The following IFT43 variants were observed in gnomAD, a reference collection of about 807,000 sequenced individuals.
IFT43 encodes intraflagellar transport 43.
A neutral mutation model predicts 32.3 loss-of-function variants in IFT43; 33 were observed. That is an observed-to-expected ratio of 1.02 (90% confidence interval 0.77 to 1.37). The LOEUF (loss-of-function observed/expected upper bound fraction) is 1.37. Ranked by LOEUF, IFT43 falls within the 40% of genes most tolerant of loss-of-function variation. IFT43 has a pLI of 0.00. For missense variants in IFT43, 274 were observed against 265.9 expected, an observed-to-expected ratio of 1.03 and a Z score of -0.21; for synonymous variants, 93 against 98.2, an observed-to-expected ratio of 0.95 and a Z score of 0.31.
intron 3 of IFT43, among the ~76,000 whole-genome samples, chr14:76,032,461 A>G (rs2036525617): frequency 6.6e-6 from 1 of 152,230 alleles, no homozygotes; most frequent in Non-Finnish European, 1.5e-5. Flanking sequence ...GTCCTACCTT[A>G]CCTCACTTTA....
chr14:76,001,780 A>G (rs79261129), intron 2 of IFT43, among the ~76,000 whole-genome samples: 271 of 152,288 alleles, frequency 1.8e-3, no homozygotes, highest in Non-Finnish European at 3.1e-3. Flanking sequence ...GCATCTGGTG[A>G]GGGCCTTTGT....
chr14:76,043,794 C>T (rs923925958), intron 3 of IFT43, among the ~76,000 whole-genome samples: 4 of 152,180 alleles, frequency 2.6e-5, no homozygotes, highest in Admixed American at 6.5e-5. Flanking sequence ...TCAATTCTGA[C>T]GCTATCTGCC....
intron 3 of IFT43, among the ~76,000 whole-genome samples, chr14:76,032,728 G>A (rs759160779): frequency 6.6e-6 from 1 of 152,132 alleles, no homozygotes; most frequent in Non-Finnish European, 1.5e-5. Context: ...CTTTACTTTC[G>A]GTGTGGAAGG....
chr14:76,058,244 G>A (rs2037061699), intron 3 of IFT43: 3 of 260,150 alleles, frequency 1.2e-5, no homozygotes, highest in South Asian at 9.1e-5. Flanking sequence ...CTTTTTGCTC[G>A]TTGCAAGTCG....
At chr14:76,055,298 A>C (rs1594850230) in intron 3 of IFT43, among the ~76,000 whole-genome samples, 2 of 151,814 alleles carry the variant, frequency 1.3e-5, no homozygotes, top group South Asian at 4.2e-4. Flanking sequence ...GTGAACCATG[A>C]TCTCAACACT....
chr14:76,026,583 A>G (rs1326273274), intron 3 of IFT43, among the ~76,000 whole-genome samples: 1 of 152,026 alleles, frequency 6.6e-6, no homozygotes, highest in African/African-American at 2.4e-5. Context: ...TCAAAAAATA[A>G]CAGATGCTGG....
At chr14:76,080,385 G>A (rs1277861932) in intron 5 of IFT43, among the ~76,000 whole-genome samples, 2 of 152,198 alleles carry the variant, frequency 1.3e-5, no homozygotes, top group Admixed American at 6.5e-5. Context: ...GGGGGTTGGG[G>A]ACGAAGAGGG....
Position 76,083,293 on chromosome 14 carries a change from C to T in IFT43, c.507+4C>T, listed in dbSNP as rs2037548934. ...GCCGGAGCACGAAGTCCGGGAGGTA[C>T]AGTGGTGGCAGCAATTCCCCGGTCT... On this transcript the variant is annotated splice_donor_region_variant and intron_variant, in intron 8 of 8. Coordinates refer to ENST00000314067, the MANE Select transcript of IFT43 (RefSeq NM_001102564.3). 6.2e-7 allele frequency: 1 copy of T among 1,612,784 alleles called. No individual in the cohort carries two copies. Among genetic ancestry groups the T allele is most frequent in the Non-Finnish European group, 8.5e-7 (1 of 1,178,758 alleles).
At chr14:76,000,558 C>T (rs1437064896) in intron 2 of IFT43, among the ~76,000 whole-genome samples, 1 of 152,128 alleles carries the variant, frequency 6.6e-6, no homozygotes, top group Non-Finnish European at 1.5e-5. Flanking sequence ...AGGCATGAGC[C>T]ACTGCGTGTG....
chr14:76,006,963 T>G (rs1159785736), intron 2 of IFT43, among the ~76,000 whole-genome samples: 1 of 148,238 alleles, frequency 6.7e-6, no homozygotes, highest in Non-Finnish European at 1.5e-5. Context: ...GTTCAAGCAA[T>G]CCTCCTAGAT....
At chr14:75,992,193 G>A (rs1179758789) in intron 2 of IFT43, among the ~76,000 whole-genome samples, 2 of 152,180 alleles carry the variant, frequency 1.3e-5, no homozygotes, top group Non-Finnish European at 2.9e-5. Flanking sequence ...ACAGGGCTTC[G>A]CACCAGAGGA....
intron 2 of IFT43, among the ~76,000 whole-genome samples, chr14:75,999,264 TATATATA>T (rs2035827970): frequency 1.1e-3 from 28 of 26,108 alleles, no homozygotes; most frequent in South Asian, 6.0e-3. Context: ...TATATATATA[TATATATA>T]TGTATATATA....
chr14:76,067,502 G>A (rs1159641372), intron 5 of IFT43, among the ~76,000 whole-genome samples: 1 of 151,976 alleles, frequency 6.6e-6, no homozygotes. Context: ...CCCAGAAGGT[G>A]GAGGTTGCAG....
chr14:75,990,756 G>A (rs1264511093), intron 2 of IFT43, among the ~76,000 whole-genome samples: 1 of 152,178 alleles, frequency 6.6e-6, no homozygotes, highest in Non-Finnish European at 1.5e-5. Flanking sequence ...AACTGCAGTG[G>A]TGTATGTATT....
At chr14:76,001,271 A>C (rs908295410) in intron 2 of IFT43, among the ~76,000 whole-genome samples, 1 of 152,266 alleles carries the variant, frequency 6.6e-6, no homozygotes. Context: ...AATCAGGTAT[A>C]AAAGCAAATA....
intron 3 of IFT43, among the ~76,000 whole-genome samples, chr14:76,031,026 A>G (rs1366828892): frequency 2.7e-5 from 4 of 148,020 alleles, no homozygotes; most frequent in African/African-American, 9.8e-5. Context: ...ATGTGTATAT[A>G]TATATAATTA....
intron 2 of IFT43, among the ~76,000 whole-genome samples, chr14:75,995,512 G>C (rs1160403837): frequency 6.6e-6 from 1 of 152,144 alleles, no homozygotes; most frequent in Admixed American, 6.5e-5. Flanking sequence ...GAGAAATGCT[G>C]CTGGGCTCAT....
intron 3 of IFT43, among the ~76,000 whole-genome samples, chr14:76,046,971 G>A (rs2036818826): frequency 6.6e-6 from 1 of 152,112 alleles, no homozygotes; most frequent in Non-Finnish European, 1.5e-5. Flanking sequence ...GTCTGGTGAG[G>A]GCTACTTTAT....
intron 5 of IFT43, among the ~76,000 whole-genome samples, chr14:76,060,409 G>T (rs1033043632): frequency 6.6e-6 from 1 of 151,950 alleles, no homozygotes; most frequent in African/African-American, 2.4e-5. Flanking sequence ...AGTAGAGATG[G>T]GGTTTCACCA....
Sources: allele counts gnomAD v4.1 joint callset (sites outside exome capture counted in the v4.1 genomes callset), GRCh38; gene constraint gnomAD v4.1.1; transcripts MANE v1.5; gene names NCBI Gene and HGNC (gene_info 2026-07-23, HGNC 2026-07-21).